TRAPPC9: variants seen among roughly 807,000 people sequenced by gnomAD.
TRAPPC9 encodes the protein trafficking protein particle complex subunit 9, also known as IKK2 binding protein.
Under a neutral mutation model 124.0 loss-of-function variants are expected in TRAPPC9, and 83 were observed. The ratio of observed to expected loss-of-function variants is 0.67; its 90% CI spans 0.56 to 0.80. TRAPPC9 has a LOEUF of 0.80. Ranked by LOEUF, TRAPPC9 falls within the 30% of genes least tolerant of loss-of-function variation. TRAPPC9 has a pLI of 0.00. For missense variants in TRAPPC9, 1,302 were observed against 1,508.3 expected, an observed-to-expected ratio of 0.86 and a Z score of 2.27; for synonymous variants, 638 against 617.5, an observed-to-expected ratio of 1.03 and a Z score of -0.49.
rs189481286 is a variant in TRAPPC9, at chr8:139,947,728, C to T, written c.2811-37428G>A. Among the ~76,000 whole-genome samples the T allele has an allele frequency of 4.0e-3, 602 of 150,914 alleles. 3 individuals carry two copies. Among genetic ancestry groups the T allele is most frequent in the African/African-American group, 0.013 (545 of 41,046 alleles). On this transcript the variant is annotated intron_variant, in intron 19 of 22. Transcript: ENST00000438773. The stretch of plus-strand genomic sequence containing the variant: ...TAAAAATAAAAAAAAATTAGCCGGT[C>T]ATGGTGGCGGGCACCTGTAATCCCA...
chr8:139,732,550 G>A (rs1201984202), intron 21 of TRAPPC9, among the ~76,000 whole-genome samples: 6 of 152,362 alleles, frequency 3.9e-5, no homozygotes, highest in East Asian at 1.9e-4. Context: ...CCGTAGAGGC[G>A]AGGGCGTGGA....
chr8:140,226,367 G>T (rs539314656), intron 16 of TRAPPC9, among the ~76,000 whole-genome samples: 3 of 152,020 alleles, frequency 2.0e-5, no homozygotes, highest in African/African-American at 4.8e-5. Context: ...TGAGGTGGGC[G>T]GATCACTTCA....
intron 7 of TRAPPC9, among the ~76,000 whole-genome samples, chr8:140,388,571 T>A (rs2068826006): frequency 6.6e-6 from 1 of 151,906 alleles, no homozygotes; most frequent in Non-Finnish European, 1.5e-5. Flanking sequence ...TAATCCCAGC[T>A]ACTCAGGAGG....
At chr8:139,975,996 A>C (rs1222043222) in intron 19 of TRAPPC9, among the ~76,000 whole-genome samples, 4 of 116,052 alleles carry the variant, frequency 3.4e-5, no homozygotes, top group Admixed American at 1.3e-4. Context: ...GGTTCACGCC[A>C]TTCTCCTGCC....
At chr8:140,219,010 AG>A (rs1486929389) in intron 17 of TRAPPC9, among the ~76,000 whole-genome samples, 1 of 152,230 alleles carries the variant, frequency 6.6e-6, no homozygotes, top group African/African-American at 2.4e-5. Context: ...CAGTCAGGGA[AG>A]GTAACACTGC....
chr8:140,332,322 G>C (rs2066915110), intron 9 of TRAPPC9, among the ~76,000 whole-genome samples: 1 of 152,188 alleles, frequency 6.6e-6, no homozygotes, highest in Non-Finnish European at 1.5e-5. Context: ...GAAGGGTTGG[G>C]GGAAGGAAGG....
chr8:140,030,792 A>T (rs762729311), intron 17 of TRAPPC9, among the ~76,000 whole-genome samples: 30 of 152,236 alleles, frequency 2.0e-4, no homozygotes, highest in Non-Finnish European at 3.4e-4. Context: ...TGTATATGAG[A>T]TACTAGAAAA....
intron 19 of TRAPPC9, among the ~76,000 whole-genome samples, chr8:139,951,687 T>C (rs978567323): frequency 2.6e-5 from 4 of 152,346 alleles, no homozygotes; most frequent in East Asian, 3.9e-4. Context: ...CTTCTCATTA[T>C]GTGATTACAG....
At chr8:140,307,779 T>C (rs28523653) in intron 10 of TRAPPC9, among the ~76,000 whole-genome samples, 43,809 of 152,102 alleles carry the variant, frequency 0.29, 6,680 homozygotes, top group Middle Eastern at 0.43. Context: ...AAGCAAAAGA[T>C]AGACATCTCT....
intron 19 of TRAPPC9, among the ~76,000 whole-genome samples, chr8:139,974,855 G>A (rs1836334982): frequency 6.6e-6 from 1 of 152,060 alleles, no homozygotes; most frequent in Non-Finnish European, 1.5e-5. Flanking sequence ...GCAGCCTCCG[G>A]CTGCCTCTCC....
At chr8:140,355,475 T>A (rs1038761306) in intron 9 of TRAPPC9, among the ~76,000 whole-genome samples, 3 of 152,156 alleles carry the variant, frequency 2.0e-5, no homozygotes, top group Non-Finnish European at 2.9e-5. Context: ...ACTCTACAAA[T>A]ACCATGGATC....
At chr8:140,049,551 C>CG (rs956385073) in intron 17 of TRAPPC9, among the ~76,000 whole-genome samples, 2 of 151,500 alleles carry the variant, frequency 1.3e-5, no homozygotes, top group Admixed American at 6.6e-5. Context: ...GGGCTCCCCC[C>CG]CCCGAGACCA....
chr8:139,919,500 T>C (rs190297644), intron 19 of TRAPPC9, among the ~76,000 whole-genome samples: 13 of 152,284 alleles, frequency 8.5e-5, no homozygotes, highest in African/African-American at 3.1e-4. Flanking sequence ...TGTGTGCAAA[T>C]CAAATCTCAA....
Position 140,006,395 on chromosome 8 carries a change from C to T in TRAPPC9, c.2699+17542G>A, listed in dbSNP as rs1256322042. ...TGTGCAGAAATCAGATACTCATATA[C>T]TATGGGAATGTAAAATGGTGCAACC... On this transcript the variant is annotated intron_variant, in intron 18 of 22. Coordinates refer to ENST00000438773, the MANE Select transcript of TRAPPC9 (RefSeq NM_001160372.4). Among the ~76,000 whole-genome samples the T allele has an allele frequency of 9.9e-5, 15 of 152,128 alleles. 1 individual carries two copies. Among genetic ancestry groups the T allele is most frequent in the Admixed American group, 9.8e-4 (15 of 15,264 alleles).
At chr8:139,805,518 A>G (rs1188728398) in intron 21 of TRAPPC9, among the ~76,000 whole-genome samples, 2 of 152,202 alleles carry the variant, frequency 1.3e-5, no homozygotes, top group East Asian at 1.9e-4. Context: ...GAAAATGTTT[A>G]TTGAGTATCC....
At chr8:140,427,444 G>A (rs1034825666) in intron 4 of TRAPPC9, among the ~76,000 whole-genome samples, 1 of 151,680 alleles carries the variant, frequency 6.6e-6, no homozygotes, top group African/African-American at 2.4e-5. Flanking sequence ...TCAAGTTAAA[G>A]ATTTCCAGCT....
intron 5 of TRAPPC9, among the ~76,000 whole-genome samples, chr8:140,426,063 G>A (rs2070412173): frequency 6.6e-6 from 1 of 152,134 alleles, no homozygotes; most frequent in Non-Finnish European, 1.5e-5. Flanking sequence ...TATTTACCCT[G>A]TCATTGTTTC....
At chr8:140,202,893 G>A (rs1010381920) in intron 17 of TRAPPC9, among the ~76,000 whole-genome samples, 1 of 152,244 alleles carries the variant, frequency 6.6e-6, no homozygotes, top group South Asian at 2.1e-4. Context: ...TCTACTTTAA[G>A]GGAAATCAGG....
chr8:140,347,151 G>A (rs762421663), intron 9 of TRAPPC9, among the ~76,000 whole-genome samples: 1 of 152,190 alleles, frequency 6.6e-6, no homozygotes, highest in Non-Finnish European at 1.5e-5. Flanking sequence ...CCATTAGAGC[G>A]GGAGGCTGGG....
Sources: gnomAD v4.1 joint callset for allele counts (sites outside exome capture counted in the v4.1 genomes callset) on GRCh38, gnomAD v4.1.1 for gene constraint, MANE v1.5 for transcripts, NCBI Gene and HGNC (gene_info 2026-07-23, HGNC 2026-07-21) for gene names.